Variants in PRPF39 observed in about 807,000 individuals in gnomAD.
PRPF39 encodes pre-mRNA processing factor 39.
In PRPF39, 27 loss-of-function variants were observed where a neutral mutation model predicts 82.1. That is an observed-to-expected ratio of 0.33 (90% CI 0.24 to 0.45). The LOEUF (loss-of-function observed/expected upper bound fraction) is 0.45, where lower values mean the gene tolerates loss of function less well. Ranked by LOEUF, PRPF39 falls within the 20% of genes least tolerant of loss-of-function variation. The pLI is 1.00. For missense variants in PRPF39, 581 were observed against 796.9 expected, an observed-to-expected ratio of 0.73 and a Z score of 3.26; for synonymous variants, 261 against 256.4, an observed-to-expected ratio of 1.02 and a Z score of -0.17.
chr14:45,091,793 G>A (rs1884036022), intron 1 of PRPF39, among the ~76,000 whole-genome samples: 1 of 152,176 alleles, frequency 6.6e-6, no homozygotes, highest in Admixed American at 6.5e-5. Context: ...AGCTATTGTT[G>A]CCGGGGATAT....
intron 1 of PRPF39, among the ~76,000 whole-genome samples, chr14:45,090,564 C>G (rs903289565): frequency 6.6e-6 from 1 of 152,176 alleles, no homozygotes; most frequent in Non-Finnish European, 1.5e-5. Context: ...GGTTGTTCCA[C>G]ATTCTAGAAT....
chr14:45,095,611 A>G, intron 2 of PRPF39, 48 bp downstream of exon 2: 1 of 1,481,156 alleles, frequency 6.8e-7, no homozygotes, highest in Non-Finnish European at 9.0e-7. Flanking sequence ...TAATCAAGTC[A>G]TTAATTTATA....
At chr14:45,086,092 C>T (rs538393701) in intron 1 of PRPF39, among the ~76,000 whole-genome samples, 1 of 152,104 alleles carries the variant, frequency 6.6e-6, no homozygotes, top group South Asian at 2.1e-4. Flanking sequence ...TACAGATGCG[C>T]GCCACCACGC....
chr14:45,084,760 T>C (rs1240931240), intron 1 of PRPF39, among the ~76,000 whole-genome samples: 1 of 152,220 alleles, frequency 6.6e-6, no homozygotes, highest in Non-Finnish European at 1.5e-5. Flanking sequence ...CAGGATACTT[T>C]AAAACAGAAA....
Position 45,095,517 on chromosome 14 carries a change from A to C in PRPF39, c.278A>C (p.Gln93Pro). The stretch of plus-strand genomic sequence containing the variant: ...TGGAAAACTGTAGAAAATAATCCTC[A>C]GGATTTTACAGGCTGGGTATATTTG... ...KFWKTVENNP[Q>P]DFTGWVYLLQ... Residue 93 changes from glutamine (Q) to proline (P), a missense_variant, in exon 2 of 14, where the codon CAG (glutamine) becomes CCG (proline). Transcript: ENST00000355765. 1 of 1,611,602 alleles carries C rather than the reference A, an allele frequency of 6.2e-7. No homozygotes were observed. Among genetic ancestry groups the C allele is most frequent in the Non-Finnish European group, 8.5e-7 (1 of 1,178,634 alleles).
At chr14:45,086,836 G>C (rs886874812) in intron 1 of PRPF39, among the ~76,000 whole-genome samples, 8 of 145,970 alleles carry the variant, frequency 5.5e-5, no homozygotes, top group African/African-American at 2.0e-4. Flanking sequence ...TAGTGCAGCA[G>C]TGTTTCTCAG....
Position 45,114,542 on chromosome 14 carries a change from A to G in PRPF39, c.1881A>G (p.Ser627=), listed in dbSNP as rs1025172829. 2 of 1,599,256 alleles carry G rather than the reference A, an allele frequency of 1.3e-6. No homozygotes were observed. The highest frequency in any genetic ancestry group is 1.8e-5 in the Admixed American group (1 of 55,994). ...AAGCACATACAGAAGATACAACTTC[A>G]TCATCTACACAGATGATTGATGGTG... ...EKKAHTEDTT[S]SSTQMIDGDL... Residue 627 remains serine (S), a synonymous_variant, in exon 13 of 14, where the codon TCA becomes TCG. Coordinates refer to ENST00000355765, the MANE Select transcript of PRPF39 (RefSeq NM_017922.4).
At chr14:45,090,472 A>G (rs1484056354) in intron 1 of PRPF39, among the ~76,000 whole-genome samples, 1 of 152,008 alleles carries the variant, frequency 6.6e-6, no homozygotes, top group East Asian at 1.9e-4. Flanking sequence ...CAACCTCTTC[A>G]TTCTGGTCAT....
At chr14:45,086,748 C>A (rs1289158295) in intron 1 of PRPF39, among the ~76,000 whole-genome samples, 2 of 151,892 alleles carry the variant, frequency 1.3e-5, no homozygotes, top group Non-Finnish European at 2.9e-5. Flanking sequence ...CATTCTCACC[C>A]AATTTAATTT....
intron 4 of PRPF39, among the ~76,000 whole-genome samples, 195 bp downstream of exon 4, chr14:45,097,200 T>C (rs984395696): frequency 1.3e-5 from 2 of 152,206 alleles, no homozygotes; most frequent in African/African-American, 4.8e-5. Flanking sequence ...ATGCCTCTTA[T>C]GTCCCCAATT....
intron 4 of PRPF39, 60 bp from the exon 5 acceptor site, chr14:45,102,469 T>C (rs1474661178): frequency 6.6e-6 from 9 of 1,365,314 alleles, no homozygotes; most frequent in Non-Finnish European, 8.8e-6. Context: ...AATTTAGAAA[T>C]AATATTTTAA....
chr14:45,087,503 T>C (rs1202933942), intron 1 of PRPF39, among the ~76,000 whole-genome samples: 2 of 152,108 alleles, frequency 1.3e-5, no homozygotes, highest in Admixed American at 6.5e-5. Flanking sequence ...ATTTTGTGAA[T>C]GAGGCTTAGA....
intron 4 of PRPF39, 136 bp downstream of exon 4, chr14:45,097,141 T>C (rs981164853): frequency 7.7e-7 from 1 of 1,302,988 alleles, no homozygotes; most frequent in Admixed American, 3.4e-5. Flanking sequence ...TGTAATAAAC[T>C]TAAGCTTTAT....
At chr14:45,098,751 T>A (rs914230465) in intron 4 of PRPF39, among the ~76,000 whole-genome samples, 1 of 152,212 alleles carries the variant, frequency 6.6e-6, no homozygotes, top group Admixed American at 6.5e-5. Flanking sequence ...CTTCTAGTTC[T>A]GCTGTACAAG....
At chr14:45,098,545 C>T (rs2139048069) in intron 4 of PRPF39, among the ~76,000 whole-genome samples, 1 of 151,866 alleles carries the variant, frequency 6.6e-6, no homozygotes, top group East Asian at 1.9e-4. Flanking sequence ...AATTGCTCCT[C>T]CCCTGCCCCT....
chr14:45,111,796 G>A (rs1330508526), intron 10 of PRPF39, among the ~76,000 whole-genome samples: 1 of 151,452 alleles, frequency 6.6e-6, no homozygotes, highest in Non-Finnish European at 1.5e-5. Context: ...GCACCACCAC[G>A]CCAGTTAATT....
intron 5 of PRPF39, 124 bp downstream of exon 5, chr14:45,102,820 G>A (rs1261863161): frequency 2.0e-6 from 2 of 997,326 alleles, no homozygotes; most frequent in South Asian, 1.9e-5. Context: ...AATAAATTTT[G>A]TTGCTAATCA....
At chr14:45,106,585 C>T (rs1367345607) in intron 5 of PRPF39, among the ~76,000 whole-genome samples, 1 of 151,948 alleles carries the variant, frequency 6.6e-6, no homozygotes, top group Non-Finnish European at 1.5e-5. Flanking sequence ...TATAGATTAG[C>T]TTAAAACTAA....
chr14:45,106,821 C>T (rs1412409250), intron 5 of PRPF39, among the ~76,000 whole-genome samples: 3 of 152,108 alleles, frequency 2.0e-5, no homozygotes, highest in African/African-American at 7.2e-5. Flanking sequence ...GGGAATAAGA[C>T]ATAGAGCAGC....
Sources: gnomAD v4.1 joint callset for allele counts (sites outside exome capture counted in the v4.1 genomes callset) on GRCh38, gnomAD v4.1.1 for gene constraint, MANE v1.5 for transcripts, NCBI Gene and HGNC (gene_info 2026-07-23, HGNC 2026-07-21) for gene names.